HS3ST5: variants seen among roughly 807,000 people sequenced by gnomAD.
HS3ST5 encodes heparan sulfate-glucosamine 3-sulfotransferase 5, also known as heparan sulfate glucosamine 3-O-sulfotransferase 5.
A neutral mutation model predicts 25.4 loss-of-function variants in HS3ST5; 10 were observed. The observed-to-expected ratio is 0.39, with a 90% CI of 0.24 to 0.67. The LOEUF (loss-of-function observed/expected upper bound fraction) is 0.67. Among genes scored for constraint, HS3ST5 ranks in the 30% least tolerant of loss-of-function variants. The probability of loss-of-function intolerance (pLI) is 0.44; values close to 1 mark genes in which losing one functional copy is unlikely to be tolerated. For missense variants in HS3ST5, 324 were observed against 420.7 expected (o/e 0.77, Z 2.01); for synonymous variants, 170 against 162.4 (o/e 1.05, Z -0.36).
intron 1 of HS3ST5, among the ~76,000 whole-genome samples, chr6:114,309,530 C>T (rs1280957135): frequency 1.3e-5 from 2 of 152,082 alleles, no homozygotes; most frequent in Non-Finnish European, 2.9e-5. Flanking sequence ...GTCAGGAGTT[C>T]GAAACCAGCA....
intron 1 of HS3ST5, among the ~76,000 whole-genome samples, chr6:114,268,581 A>G (rs908467474): frequency 3.9e-5 from 6 of 152,344 alleles, no homozygotes; most frequent in East Asian, 1.9e-4. Context: ...TGAAAGAAGG[A>G]ATACTCATAG....
At chr6:114,190,975 T>C (rs958349643) in intron 2 of HS3ST5, among the ~76,000 whole-genome samples, 2 of 152,188 alleles carry the variant, frequency 1.3e-5, no homozygotes, top group African/African-American at 4.8e-5. Context: ...AAGGTCACTT[T>C]ATTGCAGCCC....
At chr6:114,306,097 A>G (rs1176364905) in intron 1 of HS3ST5, among the ~76,000 whole-genome samples, 1 of 151,926 alleles carries the variant, frequency 6.6e-6, no homozygotes, top group Non-Finnish European at 1.5e-5. Context: ...CTTTGCCTGA[A>G]TGTAATTTTT....
At chr6:114,207,008 G>A (rs887537991) in intron 2 of HS3ST5, among the ~76,000 whole-genome samples, 16 of 152,290 alleles carry the variant, frequency 1.1e-4, no homozygotes. Context: ...AAGGCTAGAG[G>A]ATACAGTATA....
intron 3 of HS3ST5, among the ~76,000 whole-genome samples, chr6:114,136,650 A>G (rs1312588800): frequency 6.6e-6 from 1 of 152,222 alleles, no homozygotes; most frequent in African/African-American, 2.4e-5. Context: ...ACTGTTGGCT[A>G]CTTTAATGTG....
intron 3 of HS3ST5, among the ~76,000 whole-genome samples, chr6:114,095,330 G>T (rs992458684): frequency 6.6e-6 from 1 of 152,092 alleles, no homozygotes; most frequent in African/African-American, 2.4e-5. Context: ...CACTCTGCAT[G>T]TTCCAAAATC....
Position 114,153,674 on chromosome 6 carries a change from C to T in HS3ST5, c.-33+14677G>A, listed in dbSNP as rs1778565795. ...GTGAAACTAGGAGGCCAGTAAAAAA[C>T]GTAAGTAATTTTCACCTTGGTTTTT... On this transcript the variant is annotated intron_variant, in intron 3 of 4. Coordinates refer to ENST00000312719, the MANE Select transcript of HS3ST5 (RefSeq NM_153612.4). Among the ~76,000 whole-genome samples the T allele has an allele frequency of 3.3e-5, 5 of 152,272 alleles. 1 individual carries two copies. In the South Asian group the frequency reaches 8.3e-4, roughly 25 times the overall value.
At chr6:114,311,280 A>G (rs1775519807) in intron 1 of HS3ST5, among the ~76,000 whole-genome samples, 1 of 152,190 alleles carries the variant, frequency 6.6e-6, no homozygotes, top group Non-Finnish European at 1.5e-5. Flanking sequence ...GTTTTAAGGA[A>G]AAGAATGATA....
rs181979635 is a variant in HS3ST5, at chr6:114,146,632, A to G, written c.-33+21719T>C. On this transcript the variant is annotated intron_variant, in intron 3 of 4. Transcript: ENST00000312719. ...GTATATTCACTCCTGCCCAAATCTC[A>G]TGTTGAACTGAAATTCCCAACAGTG... Among the ~76,000 whole-genome samples, 3 of 152,084 alleles carry G rather than the reference A, an allele frequency of 2.0e-5. No homozygotes were observed. The East Asian group carries it at 5.8e-4, about 29-fold the overall frequency.
chr6:114,204,622 A>AT (rs1781189153), intron 2 of HS3ST5, among the ~76,000 whole-genome samples: 1 of 152,048 alleles, frequency 6.6e-6, no homozygotes. Flanking sequence ...TTTTTGGGTA[A>AT]TTTTACACTA....
chr6:114,147,088 T>G (rs1778206964), intron 3 of HS3ST5, among the ~76,000 whole-genome samples: 1 of 152,160 alleles, frequency 6.6e-6, no homozygotes, highest in Non-Finnish European at 1.5e-5. Flanking sequence ...ACACTAACAC[T>G]ATATAGGGGG....
At chr6:114,149,553 G>A (rs1265989227) in intron 3 of HS3ST5, among the ~76,000 whole-genome samples, 1 of 152,092 alleles carries the variant, frequency 6.6e-6, no homozygotes, top group Non-Finnish European at 1.5e-5. Context: ...GACACAGGGA[G>A]GGGAACATCA....
chr6:114,236,444 T>C (rs1169391171), intron 1 of HS3ST5, among the ~76,000 whole-genome samples: 1 of 152,226 alleles, frequency 6.6e-6, no homozygotes, highest in Non-Finnish European at 1.5e-5. Context: ...TTTTTTCTCA[T>C]TTAAATGTTT....
chr6:114,117,815 A>ATAAC (rs1776605059), intron 3 of HS3ST5, among the ~76,000 whole-genome samples: 1 of 152,162 alleles, frequency 6.6e-6, no homozygotes, highest in Non-Finnish European at 1.5e-5. Flanking sequence ...TCTGCCCTGT[A>ATAAC]TAACTACCCC....
intron 2 of HS3ST5, among the ~76,000 whole-genome samples, chr6:114,203,049 A>C (rs1781101796): frequency 6.6e-6 from 1 of 152,194 alleles, no homozygotes; most frequent in African/African-American, 2.4e-5. Flanking sequence ...AAAGTGGCTA[A>C]AGTGGGAAAT....
chr6:114,086,357 C>G (rs373181654), intron 3 of HS3ST5, among the ~76,000 whole-genome samples: 28 of 152,222 alleles, frequency 1.8e-4, no homozygotes, highest in African/African-American at 6.0e-4. Flanking sequence ...CATAGTGTTG[C>G]TAGTTTGAAG....
chr6:114,114,745 G>A (rs1232385539), intron 3 of HS3ST5, among the ~76,000 whole-genome samples: 1 of 151,922 alleles, frequency 6.6e-6, no homozygotes, highest in Non-Finnish European at 1.5e-5. Context: ...TTACTTAGAG[G>A]ACAAAAATAT....
chr6:114,288,663 A>G (rs1014775164), intron 1 of HS3ST5, among the ~76,000 whole-genome samples: 1 of 152,058 alleles, frequency 6.6e-6, no homozygotes, highest in Non-Finnish European at 1.5e-5. Flanking sequence ...TACTTGACCA[A>G]TCTGACTACT....
chr6:114,157,804 C>A (rs1406009553), intron 3 of HS3ST5, among the ~76,000 whole-genome samples: 1 of 152,140 alleles, frequency 6.6e-6, no homozygotes, highest in Non-Finnish European at 1.5e-5. Flanking sequence ...CCAGTCTATA[C>A]AACCTTAATG....
Sources: allele counts gnomAD v4.1 joint callset (sites outside exome capture counted in the v4.1 genomes callset), GRCh38; gene constraint gnomAD v4.1.1; transcripts MANE v1.5; gene names NCBI Gene and HGNC (gene_info 2026-07-23, HGNC 2026-07-21).